The following NR3C1 variants were observed in gnomAD, a reference collection of about 807,000 sequenced individuals.
The protein encoded by NR3C1 is nuclear receptor subfamily 3 group C member 1.
A neutral mutation model predicts 74.0 loss-of-function variants in NR3C1; 14 were observed. The observed-to-expected ratio is 0.19, with a 90% CI of 0.12 to 0.30. The LOEUF is 0.30. Ranked by LOEUF, NR3C1 falls within the 10% of genes least tolerant of loss-of-function variation. The pLI is 1.00. For missense variants in NR3C1, 695 were observed against 909.8 expected (o/e 0.76, Z 3.04); for synonymous variants, 308 against 332.5 (o/e 0.93, Z 0.80).
intron 2 of NR3C1, among the ~76,000 whole-genome samples, chr5:143,352,989 G>C (rs189353420): frequency 6.6e-6 from 1 of 152,266 alleles, no homozygotes; most frequent in Admixed American, 6.5e-5. Flanking sequence ...TTCAAAACTG[G>C]AATGAATCCA....
intron 2 of NR3C1, among the ~76,000 whole-genome samples, chr5:143,327,980 G>A (rs1825014622): frequency 6.6e-6 from 1 of 152,214 alleles, no homozygotes; most frequent in African/African-American, 2.4e-5. Flanking sequence ...CTCTGTATGA[G>A]GGATCCAACC....
intron 1 of NR3C1, among the ~76,000 whole-genome samples, chr5:143,416,061 ATT>A (rs1841465343): frequency 6.6e-6 from 1 of 152,182 alleles, no homozygotes; most frequent in Non-Finnish European, 1.5e-5. Flanking sequence ...GGAAGGGATT[ATT>A]CAGGGATACC....
chr5:143,288,716 G>T (rs999672819), intron 7 of NR3C1, among the ~76,000 whole-genome samples: 10 of 152,042 alleles, frequency 6.6e-5, no homozygotes, highest in Non-Finnish European at 1.5e-4. Context: ...TAAGCGATCT[G>T]CCTGCCTTGG....
At chr5:143,349,529 C>G (rs1829881632) in intron 2 of NR3C1, among the ~76,000 whole-genome samples, 1 of 152,200 alleles carries the variant, frequency 6.6e-6, no homozygotes, top group African/African-American at 2.4e-5. Flanking sequence ...TATCCACACC[C>G]AGGCCTTGGG....
intron 1 of NR3C1, among the ~76,000 whole-genome samples, chr5:143,409,975 A>G (rs759746336): frequency 2.6e-5 from 4 of 152,352 alleles, no homozygotes; most frequent in Non-Finnish European, 5.9e-5. Context: ...ATGCTGGCAG[A>G]ACTTAGTTTA....
At chr5:143,335,130 T>A (rs544778412) in intron 2 of NR3C1, among the ~76,000 whole-genome samples, 1 of 152,160 alleles carries the variant, frequency 6.6e-6, no homozygotes, top group Non-Finnish European at 1.5e-5. Flanking sequence ...AGGAGGCAAT[T>A]TGATTCTCTC....
At chr5:143,376,458 C>T (rs554185538) in intron 2 of NR3C1, among the ~76,000 whole-genome samples, 5 of 152,194 alleles carry the variant, frequency 3.3e-5, no homozygotes, top group Non-Finnish European at 7.4e-5. Flanking sequence ...CGTTCCTTCT[C>T]TCTAAGCTCA....
At chr5:143,432,446 G>C (rs569250392) in intron 1 of NR3C1, among the ~76,000 whole-genome samples, 38 of 152,284 alleles carry the variant, frequency 2.5e-4, no homozygotes, top group African/African-American at 8.9e-4. Flanking sequence ...AAACATCAGA[G>C]CCTTGGTCCA....
intron 2 of NR3C1, among the ~76,000 whole-genome samples, chr5:143,386,545 C>G (rs1837264384): frequency 6.6e-6 from 1 of 152,002 alleles, no homozygotes; most frequent in Admixed American, 6.5e-5. Context: ...GGCAAGCAAC[C>G]CAGAAAATCT....
intron 1 of NR3C1, among the ~76,000 whole-genome samples, chr5:143,416,459 C>CAA (rs34861052): frequency 1.5e-5 from 2 of 134,880 alleles, no homozygotes; most frequent in African/African-American, 5.4e-5. Context: ...TTGAGGTTTG[C>CAA]AAAAAAAAAA....
At chr5:143,417,840 G>A (rs1229084095) in intron 1 of NR3C1, among the ~76,000 whole-genome samples, 1 of 152,116 alleles carries the variant, frequency 6.6e-6, no homozygotes, top group Non-Finnish European at 1.5e-5. Flanking sequence ...GATTTATCAG[G>A]CCTCTCCCAG....
At chr5:143,408,994 TTTAC>T (rs1189901843) in intron 1 of NR3C1, 1 of 152,194 alleles carries the variant, frequency 6.6e-6, no homozygotes, top group Non-Finnish European at 1.5e-5. Context: ...ATTTCATCAT[TTTAC>T]TTAATATTTA....
chr5:143,391,202 A>T (rs1351791474), intron 2 of NR3C1, among the ~76,000 whole-genome samples: 1 of 152,206 alleles, frequency 6.6e-6, no homozygotes, highest in Non-Finnish European at 1.5e-5. Flanking sequence ...CGGTATGTTT[A>T]CCAATTTAAA....
intron 2 of NR3C1, among the ~76,000 whole-genome samples, chr5:143,362,436 C>T (rs1452162625): frequency 1.9e-4 from 28 of 150,924 alleles, no homozygotes; most frequent in Admixed American, 5.3e-4. Flanking sequence ...TCTCGGCTCA[C>T]GGCAAGCTCC....
At chr5:143,348,065 G>C (rs1462447964) in intron 2 of NR3C1, among the ~76,000 whole-genome samples, 4 of 152,270 alleles carry the variant, frequency 2.6e-5, no homozygotes, top group African/African-American at 9.6e-5. Context: ...TGATTCTTCA[G>C]TATTCATCTC....
rs11167810 is a variant in NR3C1 at position 143,425,122 on chromosome 5, C to A, written c.-14+9410G>T. Among the ~76,000 whole-genome samples, 3 of 152,278 alleles carry A rather than the reference C, an allele frequency of 2.0e-5. No homozygotes were observed. The South Asian group carries it at 6.2e-4, about 32-fold the overall frequency. On this transcript the variant is annotated intron_variant, in intron 1 of 8. Coordinates refer to the NR3C1 transcript ENST00000343796. The stretch of plus-strand genomic sequence containing the variant: ...AGTCAACTGATTTTTTACAAGAATA[C>A]CAAGACCATTCAATGAGGAAAGAAT...
chr5:143,349,050 G>A (rs1829787713), intron 2 of NR3C1, among the ~76,000 whole-genome samples: 1 of 152,076 alleles, frequency 6.6e-6, no homozygotes, highest in Non-Finnish European at 1.5e-5. Context: ...AGAGAGAGAA[G>A]CCTCTTCTAC....
At chr5:143,391,430 A>G (rs1200299159) in intron 2 of NR3C1, among the ~76,000 whole-genome samples, 1 of 152,230 alleles carries the variant, frequency 6.6e-6, no homozygotes, top group African/African-American at 2.4e-5. Flanking sequence ...AATGTAATAA[A>G]TGTAAAAAAA....
intron 2 of NR3C1, among the ~76,000 whole-genome samples, chr5:143,386,389 C>T (rs897499879): frequency 1.4e-4 from 21 of 152,110 alleles, no homozygotes; most frequent in Admixed American, 2.0e-4. Flanking sequence ...GCAAAAATCA[C>T]GAAACCACAT....
Sources: gnomAD v4.1 joint callset for allele counts (sites outside exome capture counted in the v4.1 genomes callset) on GRCh38, gnomAD v4.1.1 for gene constraint, MANE v1.5 for transcripts, NCBI Gene and HGNC (gene_info 2026-07-23, HGNC 2026-07-21) for gene names.